Variants in EZR observed in about 807,000 individuals in gnomAD.
The protein encoded by EZR is ezrin, also known as cytovillin 2.
A neutral mutation model predicts 74.8 loss-of-function variants in EZR; 40 were observed. That is an observed-to-expected ratio of 0.53 (90% CI 0.42 to 0.70). The LOEUF is 0.70. EZR is among the 30% of genes least tolerant of loss of function. The probability of loss-of-function intolerance (pLI) is 0.00; values close to 1 mark genes in which losing one functional copy is unlikely to be tolerated. For missense variants in EZR, 678 were observed against 755.8 expected, an observed-to-expected ratio of 0.90 and a Z score of 1.21; for synonymous variants, 341 against 283.3, an observed-to-expected ratio of 1.20 and a Z score of -2.05.
intron 2 of EZR, among the ~76,000 whole-genome samples, chr6:158,808,494 GGCT>G (rs34821448): frequency 0.15 from 22,197 of 152,058 alleles, 2,048 homozygotes; most frequent in South Asian, 0.25. Context: ...TATTTCATCG[GGCT>G]GCTAAGTTAG....
chr6:158,808,608 CATAAGGCCAGGT>C (rs1777390969), intron 2 of EZR, among the ~76,000 whole-genome samples: 1 of 152,208 alleles, frequency 6.6e-6, no homozygotes, highest in Non-Finnish European at 1.5e-5. Context: ...CAGGGCCAGG[CATAAGGCCAGGT>C]GCTTCCCATG....
intron 2 of EZR, among the ~76,000 whole-genome samples, chr6:158,803,580 TACATATATATATATATATATATATAC>T (rs1562504531): frequency 4.4e-4 from 8 of 18,168 alleles, no homozygotes; most frequent in Admixed American, 1.1e-3. Flanking sequence ...TATATATATA[TACATATATATATATATATATATATAC>T]ATATATATAT....
chr6:158,805,737 C>T (rs917690661), intron 2 of EZR, among the ~76,000 whole-genome samples: 3 of 152,168 alleles, frequency 2.0e-5, no homozygotes, highest in African/African-American at 7.2e-5. Flanking sequence ...CTGTCAGTAT[C>T]AAGTATGTTA....
rs746861343 is a variant in EZR, at chr6:158,766,011, T to C, written c.*903A>G. The C allele has an allele frequency of 6.6e-6, 1 of 152,642 alleles. No individual in the cohort carries two copies. The highest frequency in any genetic ancestry group is 1.5e-5 in the Non-Finnish European group (1 of 68,046). 9.5% of individuals were successfully genotyped at this position (152,642 alleles called of 1,614,324 possible). ...AATCTGACAAAATTAAAAGTGTGCA[T>C]AGTCCATTACATGCATAAAACACTA... On this transcript the variant is annotated 3_prime_UTR_variant, in exon 14 of 14. Transcript: ENST00000367075.
At chr6:158,797,301 T>C (rs1278861256) in intron 2 of EZR, among the ~76,000 whole-genome samples, 2 of 152,124 alleles carry the variant, frequency 1.3e-5, no homozygotes, top group Non-Finnish European at 2.9e-5. Flanking sequence ...GGAAAAAAGT[T>C]TGCAATAATT....
rs2128563250 is a variant in EZR, at chr6:158,766,971, C to T, written c.1704G>A (p.Leu568=). The change falls in exon 14 of 14, where the codon CTG becomes CTA. Residue 568 remains leucine (L), a synonymous_variant. Coordinates refer to ENST00000367075, the MANE Select transcript of EZR (RefSeq NM_001111077.2). ...TGGTGTTGCCCTGCCGGATCTGCCGCAGCGTCTTGTACTTGTCCCGGCCTT... is the reference window on the plus strand; with the variant it reads ...TGGTGTTGCCCTGCCGGATCTGCCGTAGCGTCTTGTACTTGTCCCGGCCTT... The part of the protein sequence containing the change: ...MRQGRDKYKT[L]RQIRQGNTKQ... 1.9e-6 allele frequency: 3 copies of T among 1,614,220 alleles called. No individual in the cohort carries two copies. Among genetic ancestry groups the T allele is most frequent in the African/African-American group, 1.3e-5 (1 of 75,050 alleles).
At chr6:158,798,587 C>CCCTCGATG (rs1777123800) in intron 2 of EZR, among the ~76,000 whole-genome samples, 1 of 151,536 alleles carries the variant, frequency 6.6e-6, no homozygotes, top group South Asian at 2.1e-4. Context: ...TCAGAGACCT[C>CCCTCGATG]CCTCGATGGA....
chr6:158,784,455 C>G (rs550065096), intron 6 of EZR, among the ~76,000 whole-genome samples, 189 bp downstream of exon 6: 1 of 152,292 alleles, frequency 6.6e-6, no homozygotes, highest in African/African-American at 2.4e-5. Flanking sequence ...CTTCTTTCCC[C>G]AGGCAAGACA....
intron 2 of EZR, among the ~76,000 whole-genome samples, chr6:158,816,200 G>C (rs1262194020): frequency 1.3e-5 from 2 of 152,166 alleles, no homozygotes; most frequent in South Asian, 4.1e-4. Context: ...AGTTTAATAG[G>C]TACAGAGTTT....
chr6:158,785,309 C>T lies in EZR; in HGVS notation c.467G>A (p.Arg156Lys). 6.2e-7 allele frequency: 1 copy of T among 1,613,790 alleles called. No homozygotes were observed. The highest frequency in any genetic ancestry group is 8.5e-7 in the Non-Finnish European group (1 of 1,179,992). Reference protein sequence around the residue: ...YLSSERLIPQRVMDQHKLTRD... With the variant: ...YLSSERLIPQKVMDQHKLTRD... Reference sequence around the variant, plus strand: ...CCAGGCCGGGTCATCCTGTGCTCACCTTTGAGGGATCAGCCGCTCAGAGCT... The same window carrying T: ...CCAGGCCGGGTCATCCTGTGCTCACTTTTGAGGGATCAGCCGCTCAGAGCT... The change falls in exon 5 of 14, where the codon AGA (arginine) becomes AAA (lysine). Residue 156 changes from arginine to lysine, a missense_variant and splice_region_variant. This residue lies in a region of EZR where 217 missense variants were observed against 232.2 expected (regional missense o/e 0.93). Coordinates refer to ENST00000367075, the MANE Select transcript of EZR (RefSeq NM_001111077.2).
chr6:158,787,206 G>A lies in EZR; in HGVS notation c.97-3C>T, dbSNP rs1791606975. ...CGGAGGCCGATAGTCTTTACCACCTGCGTGAGAGAGAGAGAGGCTCAACAC... is the reference window on the plus strand; with the variant it reads ...CGGAGGCCGATAGTCTTTACCACCTACGTGAGAGAGAGAGAGGCTCAACAC... On this transcript the variant is annotated splice_region_variant and splice_polypyrimidine_tract_variant and intron_variant, in intron 3 of 13. Transcript: ENST00000367075. The A allele has an allele frequency of 1.2e-6, 2 of 1,611,224 alleles. No homozygotes were observed. The highest frequency in any genetic ancestry group is 2.7e-5 in the African/African-American group (2 of 74,854).
intron 2 of EZR, among the ~76,000 whole-genome samples, chr6:158,817,498 G>A (rs1010343729): frequency 6.6e-6 from 1 of 152,226 alleles, no homozygotes; most frequent in Non-Finnish European, 1.5e-5. Flanking sequence ...TCAAGTCCAT[G>A]GCTAACCTTC....
rs530108801 is a variant in EZR at position 158,766,542 on chromosome 6, G to A, written c.*372C>T. The A allele has an allele frequency of 1.5e-5, 3 of 200,588 alleles. No individual in the cohort carries two copies. The South Asian group carries it at 4.4e-4, about 30-fold the overall frequency. The allele number at this position is 200,588 out of a possible 1,614,324, so 12.4% of individuals were successfully genotyped here. A position where few individuals can be genotyped will look rare whatever the true frequency, so the allele number is the denominator to read the frequency against. ...CTCATTTCGAATACAGAACAAGTAT[G>A]GCACAGATGGAAGTCCTGCCACGTT... On this transcript the variant is annotated 3_prime_UTR_variant, in exon 14 of 14. Transcript: ENST00000367075.
intron 2 of EZR, chr6:158,789,679 G>A (rs1791681576): frequency 2.0e-6 from 1 of 488,152 alleles, no homozygotes; most frequent in Admixed American, 2.3e-5. Context: ...GAGTGCAGTG[G>A]CACGATCACA....
intron 2 of EZR, among the ~76,000 whole-genome samples, chr6:158,816,865 C>CA: frequency 6.6e-6 from 1 of 152,264 alleles, no homozygotes; most frequent in South Asian, 2.1e-4. Flanking sequence ...GTAGGCAGAT[C>CA]ACCTGAGGTC....
intron 5 of EZR, 78 bp downstream of exon 5, chr6:158,785,229 CTG>C: frequency 6.4e-7 from 1 of 1,553,134 alleles, no homozygotes; most frequent in Non-Finnish European, 8.8e-7. Context: ...TGTTTTTAAA[CTG>C]TGCTTCTAAG....
rs571913623 is a variant in EZR at position 158,797,479 on chromosome 6, C to T, written c.13-8108G>A. 5.4e-3 allele frequency among the ~76,000 whole-genome samples: 818 copies of T among 152,284 alleles called. 3 individuals carry two copies. Among genetic ancestry groups the T allele is most frequent in the African/African-American group, 0.019 (773 of 41,558 alleles). ...AAAAACCAGTCTGAGTAGAGCCATC[C>T]AGCCACCACCAAGATTACATTGCGA... On this transcript the variant is annotated intron_variant, in intron 2 of 13. Transcript: ENST00000367075.
intron 2 of EZR, among the ~76,000 whole-genome samples, chr6:158,797,180 A>C (rs1223187245): frequency 1.3e-5 from 2 of 152,214 alleles, no homozygotes; most frequent in Non-Finnish European, 2.9e-5. Flanking sequence ...ATAAAAGCCC[A>C]AGACAGGAGG....
At chr6:158,774,059 A>C (rs1791196254) in intron 8 of EZR, among the ~76,000 whole-genome samples, 1 of 152,246 alleles carries the variant, frequency 6.6e-6, no homozygotes, top group Admixed American at 6.5e-5. Flanking sequence ...GTGAGTTCAC[A>C]GCAGAAACCG....
Sources: gnomAD v4.1 joint callset for allele counts (sites outside exome capture counted in the v4.1 genomes callset) on GRCh38, gnomAD v4.1.1 for gene constraint, gnomAD v4.1.1 regional missense constraint, MANE v1.5 for transcripts, NCBI Gene and HGNC (gene_info 2026-07-23, HGNC 2026-07-21) for gene names.